SPRY4: variants seen among roughly 807,000 people sequenced by gnomAD.
The protein encoded by SPRY4 is protein sprouty homolog 4.
SPRY4 carries 7 observed loss-of-function variants against 17.0 expected under a neutral mutation model. The ratio of observed to expected loss-of-function variants is 0.41; its 90% confidence interval spans 0.23 to 0.77. The LOEUF is 0.77. Ranked by LOEUF, SPRY4 falls within the 30% of genes least tolerant of loss-of-function variation. The probability of loss-of-function intolerance (pLI) is 0.32; values close to 1 mark genes in which losing one functional copy is unlikely to be tolerated. For synonymous variants in SPRY4, 183 were observed against 174.1 expected, an observed-to-expected ratio of 1.05 and a Z score of -0.40; for missense variants, 435 against 419.9, an observed-to-expected ratio of 1.04 and a Z score of -0.31.
chr5:142,317,588 G>C (rs1254499983), intron 1 of SPRY4: 5 of 983,934 alleles, frequency 5.1e-6, no homozygotes, highest in African/African-American at 1.8e-5. Flanking sequence ...GTGGAAGAAA[G>C]TAAAAGACTC....
chr5:142,322,484 ATAT>A (rs1327144358), intron 1 of SPRY4, among the ~76,000 whole-genome samples: 27 of 103,164 alleles, frequency 2.6e-4, no homozygotes, highest in African/African-American at 4.6e-4. Context: ...AAAAAAAAAA[ATAT>A]ATATATATAT....
In SPRY4 at chr5:142,314,515, C is replaced by A; in HGVS notation, c.594G>T (p.Thr198=). The part of the protein sequence containing the change: ...CSAQTLVNYG[T]CMCLVQGIFY... Reference sequence around the variant, plus strand: ...AGATGCCCTGCACCAAACACATGCACGTGCCATAGTTGACCAGAGTCTGGG... The same window carrying A: ...AGATGCCCTGCACCAAACACATGCAAGTGCCATAGTTGACCAGAGTCTGGG... Residue 198 remains threonine (T), a synonymous_variant, in exon 2 of 2, where the codon ACG becomes ACT. Transcript: ENST00000434127. The surrounding 1 kb of genome is among the most constrained non-coding windows in gnomAD (Gnocchi z 4.8). 6.2e-7 allele frequency: 1 copy of A among 1,614,244 alleles called. No individual in the cohort carries two copies. Among genetic ancestry groups the A allele is most frequent in the South Asian group, 1.1e-5 (1 of 91,086 alleles).
intron 1 of SPRY4, among the ~76,000 whole-genome samples, chr5:142,319,124 T>C (rs897341559): frequency 3.3e-5 from 5 of 152,140 alleles, no homozygotes; most frequent in African/African-American, 1.2e-4. Context: ...ACAAAAGCCC[T>C]CCATAACCTC....
chr5:142,319,019 A>C (rs1315043241), intron 1 of SPRY4, among the ~76,000 whole-genome samples: 1 of 152,208 alleles, frequency 6.6e-6, no homozygotes, highest in Admixed American at 6.5e-5. Flanking sequence ...ATGGAAGCAC[A>C]AAGGGTCATA....
chr5:142,315,217 C>G (rs992147350), intron 1 of SPRY4, 62 bp from the exon 2 acceptor site: 12 of 1,074,004 alleles, frequency 1.1e-5, no homozygotes, highest in South Asian at 1.5e-5. Flanking sequence ...TGTGGCCTGC[C>G]AATACCTCAC....
intron 1 of SPRY4, among the ~76,000 whole-genome samples, chr5:142,319,550 G>T (rs1759273183): frequency 6.6e-6 from 1 of 152,134 alleles, no homozygotes; most frequent in South Asian, 2.1e-4. Flanking sequence ...GAACTTAAGG[G>T]TCCCTAGGGT....
rs1003661693 is a variant in SPRY4 at position 142,316,207 on chromosome 5, C to A, written c.-47-1052G>T. On this transcript the variant is annotated intron_variant, in intron 1 of 1. Coordinates refer to ENST00000434127, the MANE Select transcript of SPRY4 (RefSeq NM_001127496.3). The stretch of plus-strand genomic sequence containing the variant: ...AACCCTGGATCAGTTTCTAATTTCA[C>A]CGAGAGAGTGCAATTTTAAGTTGGA... Among the ~76,000 whole-genome samples, 6 of 152,182 alleles carry A rather than the reference C, an allele frequency of 3.9e-5. No individual in the cohort carries two copies. In the East Asian group the frequency reaches 9.7e-4, roughly 25 times the overall value.
chr5:142,315,204 G>A, intron 1 of SPRY4, 49 bp from the exon 2 acceptor site: 1 of 1,253,622 alleles, frequency 8.0e-7, no homozygotes, highest in Non-Finnish European at 1.1e-6. Context: ...CCAGGCATCA[G>A]TATGTGGCCT....
chr5:142,314,423 G>A lies in SPRY4; in HGVS notation c.686C>T (p.Ser229Phe), dbSNP rs762505652. ...GAAGGACCAGCGGGCGCAGCAGTTG[G>A]AGCGGGAGCAGGAGCAGGGGTGGTC... ...CADHPCSCSR[S>F]NCCARWSFMG... Residue 229 changes from serine to phenylalanine, a missense_variant, in exon 2 of 2, where the codon TCC becomes TTC. Coordinates refer to ENST00000434127, the MANE Select transcript of SPRY4 (RefSeq NM_001127496.3). This position sits in a 1 kb window ranked among gnomAD's most constrained non-coding sequence, Gnocchi z 4.8. The A allele has an allele frequency of 1.9e-5, 30 of 1,614,020 alleles. 2 individuals are homozygous for A. The South Asian group carries it at 3.3e-4, about 18-fold the overall frequency.
In SPRY4 at chr5:142,313,829, G is replaced by C. The variant is rs866841709; in HGVS notation, c.*380C>G. The C allele has an allele frequency of 1.7e-4, 33 of 194,506 alleles. No homozygotes were observed. The highest frequency in any genetic ancestry group is 9.3e-4 in the South Asian group (8 of 8,574). The allele number at this position is 194,506 out of a possible 1,614,324, so 12.0% of individuals were successfully genotyped here. The stretch of plus-strand genomic sequence containing the variant: ...AAAGACAATGGAAAAGAGGAAGGGG[G>C]GGGGGGCGGAGGGAGGGAGGGAGAA... On this transcript the variant is annotated 3_prime_UTR_variant, in exon 2 of 2. Coordinates refer to ENST00000434127, the MANE Select transcript of SPRY4 (RefSeq NM_001127496.3).
rs187069531 is a variant in SPRY4, at chr5:142,317,246, A to C, written c.-47-2091T>G. 507 of 985,468 alleles carry C rather than the reference A, an allele frequency of 5.1e-4. 1 individual carries two copies. The highest frequency in any genetic ancestry group is 5.5e-4 in the Non-Finnish European group (455 of 829,944). 61.0% of individuals were successfully genotyped at this position (985,468 alleles called of 1,614,324 possible). ...GAATGCTACCTCAGCCTGCCCACTTATTCTCAATAGGTGTTCCAAAGCCTT... is the reference window on the plus strand; with the variant it reads ...GAATGCTACCTCAGCCTGCCCACTTCTTCTCAATAGGTGTTCCAAAGCCTT... On this transcript the variant is annotated intron_variant, in intron 1 of 1. Coordinates refer to ENST00000434127, the MANE Select transcript of SPRY4 (RefSeq NM_001127496.3).
At chr5:142,322,098 G>A (rs1232914286) in intron 1 of SPRY4, among the ~76,000 whole-genome samples, 1 of 152,224 alleles carries the variant, frequency 6.6e-6, no homozygotes, top group Non-Finnish European at 1.5e-5. Flanking sequence ...CAAAGTTGGG[G>A]CTGGGGTCAT....
chr5:142,323,583 C>T (rs1048793758), intron 1 of SPRY4, among the ~76,000 whole-genome samples: 2 of 152,282 alleles, frequency 1.3e-5, no homozygotes, highest in African/African-American at 4.8e-5. Flanking sequence ...ACCATCTAGC[C>T]CCTCCAGCCC....
At chr5:142,319,618 CAG>C (rs1561652731) in intron 1 of SPRY4, 10 of 1,297,998 alleles carry the variant, frequency 7.7e-6, no homozygotes, top group Middle Eastern at 2.9e-4. Flanking sequence ...AGCCAGGGCA[CAG>C]AGAGTCCTAG....
Position 142,314,090 on chromosome 5 carries a change from TG to T in SPRY4, c.*118del. ...ATTTTCCGAAGCTGGGGGTAGGGAG[TG>T]GGCAGACTAGCAAGGTCAGCCTCAG... On this transcript the variant is annotated 3_prime_UTR_variant, in exon 2 of 2. Transcript: ENST00000434127. This position sits in a 1 kb window ranked among gnomAD's most constrained non-coding sequence, Gnocchi z 4.8. 3 of 1,052,796 alleles carry T rather than the reference TG, an allele frequency of 2.8e-6. No individual in the cohort carries two copies. The highest frequency in any genetic ancestry group is 4.0e-6 in the Non-Finnish European group (3 of 746,412). The allele number at this position is 1,052,796 out of a possible 1,614,324, so 65.2% of individuals were successfully genotyped here. A position where few individuals can be genotyped will look rare whatever the true frequency, so the allele number is the denominator to read the frequency against.
rs202075380 is a variant in SPRY4 at position 142,314,658 on chromosome 5, C to T, written c.451G>A (p.Glu151Lys). Residue 151 changes from glutamate (E) to lysine (K), a missense_variant, in exon 2 of 2, where the codon GAG (glutamate) becomes AAG (lysine). Glu to Lys is a moderately conservative substitution (Grantham distance 56, BLOSUM62 1). Transcript: ENST00000434127. This position sits in a 1 kb window ranked among gnomAD's most constrained non-coding sequence, Gnocchi z 4.8. ...CACAGCAAGAAGTGCTTGTCCAGCT[C>T]GGGTGGGACCGCCGGGCCCTTGAGG... ...LDLKGPAVPPELDKHFLLCEA... is the reference protein window; with the variant it reads ...LDLKGPAVPPKLDKHFLLCEA... 32 of 1,614,210 alleles carry T rather than the reference C, an allele frequency of 2.0e-5. No individual in the cohort carries two copies. The highest frequency in any genetic ancestry group is 3.3e-4 in the Middle Eastern group (2 of 6,062).
intron 1 of SPRY4, chr5:142,324,319 C>T (rs1198595095): frequency 6.6e-6 from 1 of 152,324 alleles, no homozygotes; most frequent in Non-Finnish European, 1.5e-5. Context: ...TCCGTCACGG[C>T]TCCGAAGAGA....
chr5:142,320,830 T>C (rs1013196570), intron 1 of SPRY4, among the ~76,000 whole-genome samples: 2 of 152,040 alleles, frequency 1.3e-5, no homozygotes, highest in Non-Finnish European at 2.9e-5. Flanking sequence ...TTTAGCTTAC[T>C]CCTGGGACAG....
intron 1 of SPRY4, chr5:142,315,698 T>C (rs1759126216): frequency 6.5e-6 from 1 of 152,876 alleles, no homozygotes; most frequent in African/African-American, 2.4e-5. Context: ...TCTCTATGCC[T>C]TAGATTTTGG....
Sources: gnomAD v4.1 joint callset for allele counts (sites outside exome capture counted in the v4.1 genomes callset) on GRCh38, gnomAD v4.1.1 for gene constraint, Gnocchi (gnomAD v3.1) non-coding constraint, MANE v1.5 for transcripts, NCBI Gene and HGNC (gene_info 2026-07-23, HGNC 2026-07-21) for gene names.